Variants in NR3C2 observed in about 807,000 individuals in gnomAD.
NR3C2 encodes the protein mineralocorticoid receptor.
NR3C2 carries 15 observed loss-of-function variants against 86.4 expected under a neutral mutation model. That is an observed-to-expected ratio of 0.17 (90% CI 0.12 to 0.27). The LOEUF is 0.27. Among genes scored for constraint, NR3C2 ranks in the 10% least tolerant of loss-of-function variants. NR3C2 has a pLI of 1.00. For missense variants in NR3C2, 960 were observed against 1,195.6 expected, an observed-to-expected ratio of 0.80 and a Z score of 2.91; for synonymous variants, 458 against 450.5, an observed-to-expected ratio of 1.02 and a Z score of -0.21.
At chr4:148,258,767 C>T (rs12647354) in intron 3 of NR3C2, among the ~76,000 whole-genome samples, 26,567 of 152,228 alleles carry the variant, frequency 0.17, 3,042 homozygotes, top group East Asian at 0.47. Flanking sequence ...TGGCTTAAGA[C>T]CATGGCTTGC....
At chr4:148,440,015 G>A (rs1021804035) in intron 1 of NR3C2, among the ~76,000 whole-genome samples, 1 of 152,160 alleles carries the variant, frequency 6.6e-6, no homozygotes, top group African/African-American at 2.4e-5. Flanking sequence ...TTATTGACAG[G>A]AGTCTCATTA....
chr4:148,187,189 T>C lies in NR3C2; in HGVS notation c.2014+7557A>G, dbSNP rs1159753423. The stretch of plus-strand genomic sequence containing the variant: ...TGTTATAAACATGCGTGTACAAGTA[T>C]ATCTTTCAAATAATGACTTATTTTC... On this transcript the variant is annotated intron_variant, in intron 4 of 8. Transcript: ENST00000358102. Among the ~76,000 whole-genome samples the C allele has an allele frequency of 2.0e-5, 3 of 151,678 alleles. No homozygotes were observed. The East Asian group carries it at 5.8e-4, about 29-fold the overall frequency.
In NR3C2 at chr4:148,117,437, A is replaced by G. The variant is rs528517867; in HGVS notation, c.2641+2721T>C. ...TTGCCTGCCTTTCAGCCTCTTGGTGACTGCTCTTAGGGGAGCAGGAATGAC... is the reference window on the plus strand; with the variant it reads ...TTGCCTGCCTTTCAGCCTCTTGGTGGCTGCTCTTAGGGGAGCAGGAATGAC... On this transcript the variant is annotated intron_variant, in intron 7 of 8. Transcript: ENST00000358102. 2.6e-5 allele frequency among the ~76,000 whole-genome samples: 4 copies of G among 152,056 alleles called. No homozygotes were observed. In the South Asian group the frequency reaches 8.3e-4, roughly 32 times the overall value.
intron 6 of NR3C2, among the ~76,000 whole-genome samples, chr4:148,133,193 CAA>C (rs372452845): frequency 9.5e-4 from 92 of 97,110 alleles, no homozygotes; most frequent in Admixed American, 1.1e-3. Flanking sequence ...GAACCTGTCT[CAA>C]AAAAAAAAAA....
intron 4 of NR3C2, among the ~76,000 whole-genome samples, chr4:148,171,201 A>C (rs997761798): frequency 6.6e-6 from 1 of 152,190 alleles, no homozygotes; most frequent in African/African-American, 2.4e-5. Flanking sequence ...GGAGGTAAAA[A>C]GGTCCACACC....
chr4:148,305,189 T>C (rs1182886626), intron 2 of NR3C2, among the ~76,000 whole-genome samples: 4 of 152,150 alleles, frequency 2.6e-5, no homozygotes, highest in Admixed American at 1.3e-4. Context: ...TAGGAAATCG[T>C]TCATTTTTCA....
At chr4:148,092,169 C>T (rs1363410763) in intron 8 of NR3C2, among the ~76,000 whole-genome samples, 1 of 152,198 alleles carries the variant, frequency 6.6e-6, no homozygotes, top group Non-Finnish European at 1.5e-5. Flanking sequence ...TCTGCAGTCA[C>T]CTCTTCCCCG....
At chr4:148,426,895 T>C (rs925141684) in intron 2 of NR3C2, among the ~76,000 whole-genome samples, 3 of 152,140 alleles carry the variant, frequency 2.0e-5, no homozygotes, top group African/African-American at 7.2e-5. Context: ...TTAAAACTCA[T>C]GTAGCCAAAG....
chr4:148,090,134 C>G (rs1464831151), intron 8 of NR3C2, among the ~76,000 whole-genome samples: 1 of 152,144 alleles, frequency 6.6e-6, no homozygotes, highest in Non-Finnish European at 1.5e-5. Flanking sequence ...ATCTATCCAG[C>G]TAAGTCCCCG....
chr4:148,284,073 G>A (rs1741390996), intron 2 of NR3C2, among the ~76,000 whole-genome samples: 1 of 152,200 alleles, frequency 6.6e-6, no homozygotes, highest in African/African-American at 2.4e-5. Flanking sequence ...CACTGCAACA[G>A]CAAAGGGGTG....
chr4:148,278,179 GCCACCT>G (rs746284709), intron 2 of NR3C2, among the ~76,000 whole-genome samples: 2 of 151,876 alleles, frequency 1.3e-5, no homozygotes, highest in Non-Finnish European at 2.9e-5. Flanking sequence ...TCGGATCACT[GCCACCT>G]CCACCTCCAC....
chr4:148,129,842 C>T (rs1732934134), intron 6 of NR3C2, among the ~76,000 whole-genome samples: 2 of 152,102 alleles, frequency 1.3e-5, no homozygotes, highest in African/African-American at 4.8e-5. Context: ...GTGATCTGCC[C>T]CCCGCTTCGC....
chr4:148,162,715 C>T (rs1361889277), intron 4 of NR3C2, among the ~76,000 whole-genome samples: 3 of 152,296 alleles, frequency 2.0e-5, no homozygotes, highest in South Asian at 2.1e-4. Flanking sequence ...AAGTGCCCTC[C>T]GGCATCTCTT....
rs545811246 is a variant in NR3C2 at position 148,343,961 on chromosome 4, T to C, written c.1758-83844A>G. Among the ~76,000 whole-genome samples the C allele has an allele frequency of 2.0e-5, 3 of 152,232 alleles. No individual in the cohort carries two copies. The South Asian group carries it at 6.2e-4, about 32-fold the overall frequency. Reference sequence around the variant, plus strand: ...ACTGTTTGTTGACTCTCGAGGATAATAAGCAGGACTAATGTTGGTGACAAT... The same window carrying C: ...ACTGTTTGTTGACTCTCGAGGATAACAAGCAGGACTAATGTTGGTGACAAT... On this transcript the variant is annotated intron_variant, in intron 2 of 8. Coordinates refer to ENST00000358102, the MANE Select transcript of NR3C2 (RefSeq NM_000901.5).
intron 7 of NR3C2, among the ~76,000 whole-genome samples, chr4:148,119,199 T>A (rs1404225672): frequency 1.3e-5 from 2 of 152,296 alleles, no homozygotes; most frequent in Non-Finnish European, 1.5e-5. Flanking sequence ...CATAACTTGA[T>A]GCACCTTTAA....
At chr4:148,380,581 A>G (rs551537005) in intron 2 of NR3C2, among the ~76,000 whole-genome samples, 1 of 152,092 alleles carries the variant, frequency 6.6e-6, no homozygotes, top group East Asian at 1.9e-4. Context: ...GAACATTCTA[A>G]TTTCACCACA....
intron 2 of NR3C2, among the ~76,000 whole-genome samples, chr4:148,333,770 C>G (rs1744348629): frequency 6.6e-6 from 1 of 152,074 alleles, no homozygotes; most frequent in Non-Finnish European, 1.5e-5. Context: ...GTTTTTGTCA[C>G]AAGAACAGAC....
At chr4:148,087,392 A>G (rs1366559074) in intron 8 of NR3C2, among the ~76,000 whole-genome samples, 2 of 152,226 alleles carry the variant, frequency 1.3e-5, no homozygotes, top group Non-Finnish European at 2.9e-5. Context: ...TTAGAAAAAA[A>G]CTACTTCAAA....
chr4:148,214,518 T>C (rs1468535866), intron 3 of NR3C2, among the ~76,000 whole-genome samples: 3 of 152,240 alleles, frequency 2.0e-5, no homozygotes, highest in African/African-American at 4.8e-5. Flanking sequence ...CATGACCATT[T>C]AGCCATTCAG....
Sources: gnomAD v4.1 joint callset for allele counts (sites outside exome capture counted in the v4.1 genomes callset) on GRCh38, gnomAD v4.1.1 for gene constraint, MANE v1.5 for transcripts, NCBI Gene and HGNC (gene_info 2026-07-23, HGNC 2026-07-21) for gene names.